The following MIGA1 variants were observed in gnomAD, a reference collection of about 807,000 sequenced individuals.
MIGA1 encodes the protein family with sequence similarity 73, member A.
Under a neutral mutation model 82.0 loss-of-function variants are expected in MIGA1, and 58 were observed. The observed-to-expected ratio is 0.71, with a 90% CI of 0.57 to 0.88. The LOEUF is 0.88. Among genes scored for constraint, MIGA1 ranks in the 40% least tolerant of loss-of-function variants. The probability of loss-of-function intolerance (pLI) is 0.00; values close to 1 mark genes in which losing one functional copy is unlikely to be tolerated. For synonymous variants in MIGA1, 249 were observed against 253.6 expected, an observed-to-expected ratio of 0.98 and a Z score of 0.17; for missense variants, 751 against 749.1, an observed-to-expected ratio of 1.00 and a Z score of -0.03.
chr1:77,833,870 C>G (rs1392811617), intron 7 of MIGA1, among the ~76,000 whole-genome samples: 1 of 152,194 alleles, frequency 6.6e-6, no homozygotes, highest in Admixed American at 6.5e-5. Flanking sequence ...TGCTGTTACT[C>G]TTCTAAAGTG....
At chr1:77,785,236 T>C (rs111527485) in intron 2 of MIGA1, among the ~76,000 whole-genome samples, 6,031 of 152,144 alleles carry the variant, frequency 0.04, 137 homozygotes, top group Middle Eastern at 0.078. Context: ...CTAGATAGAA[T>C]GGGGGTATGG....
chr1:77,811,413 A>G lies in MIGA1; in HGVS notation c.638-2321A>G. The G allele has an allele frequency of 5.0e-6, 8 of 1,587,534 alleles. No individual in the cohort carries two copies. In the Admixed American group the frequency reaches 1.2e-4, roughly 23 times the overall value. On this transcript the variant is annotated intron_variant, in intron 5 of 15. Transcript: ENST00000370791. ...CAAATTCCAAATTCTCTTCTTCACC[A>G]GGTGCCAAAATTCTTCTTAATGGGA... is the stretch of plus-strand genomic sequence containing the variant.
At chr1:77,870,932 G>C (rs1408332878) in intron 14 of MIGA1, among the ~76,000 whole-genome samples, 2 of 144,468 alleles carry the variant, frequency 1.4e-5, no homozygotes, top group Admixed American at 1.4e-4. Flanking sequence ...AAAAAAAAAC[G>C]AAAACCAGTC....
chr1:77,794,421 G>A (rs1682569258), intron 2 of MIGA1, among the ~76,000 whole-genome samples: 2 of 152,140 alleles, frequency 1.3e-5, no homozygotes, highest in South Asian at 4.1e-4. Flanking sequence ...ATGACCTGCT[G>A]CTTTTGAAAT....
At chr1:77,784,974 C>T (rs970889833) in intron 2 of MIGA1, among the ~76,000 whole-genome samples, 2 of 152,076 alleles carry the variant, frequency 1.3e-5, no homozygotes, top group Non-Finnish European at 1.5e-5. Flanking sequence ...CCATTGGGTC[C>T]CTCCCACAAC....
intron 8 of MIGA1, among the ~76,000 whole-genome samples, chr1:77,844,127 T>A (rs777321635): frequency 8.5e-6 from 1 of 117,164 alleles, no homozygotes; most frequent in African/African-American, 4.1e-5. Context: ...TATATATATA[T>A]ATATATATAT....
rs948319121 is a variant in MIGA1, at chr1:77,791,947, A to G, written c.195+8596A>G. On this transcript the variant is annotated intron_variant, in intron 2 of 15. Transcript: ENST00000370791. Reference sequence around the variant, plus strand: ...ACTACCATCAAAGTATGAGAAGTCTAGTTTTCCCATATTCTCACCAGCATT... The same window carrying G: ...ACTACCATCAAAGTATGAGAAGTCTGGTTTTCCCATATTCTCACCAGCATT... Among the ~76,000 whole-genome samples, 10 of 152,310 alleles carry G rather than the reference A, an allele frequency of 6.6e-5. No homozygotes were observed. In the East Asian group the frequency reaches 1.9e-3, roughly 29 times the overall value.
intron 7 of MIGA1, among the ~76,000 whole-genome samples, chr1:77,826,034 A>T (rs1276640999): frequency 3.3e-5 from 5 of 152,212 alleles, no homozygotes; most frequent in Admixed American, 6.5e-5. Context: ...CACATGGTAA[A>T]CACTTATCTA....
intron 15 of MIGA1, among the ~76,000 whole-genome samples, chr1:77,873,680 A>G (rs1240213968): frequency 6.6e-6 from 1 of 152,216 alleles, no homozygotes; most frequent in Admixed American, 6.5e-5. Context: ...GTGACAAGGA[A>G]AGTCTCGCTA....
chr1:77,848,624 A>G, intron 8 of MIGA1: 2 of 1,523,036 alleles, frequency 1.3e-6, no homozygotes, highest in Non-Finnish European at 1.8e-6. Flanking sequence ...CTGGGAGCAA[A>G]ACACAGACTC....
At chr1:77,844,113 A>AAATATATATATATAT (rs1296124524) in intron 8 of MIGA1, among the ~76,000 whole-genome samples, 61 of 90,042 alleles carry the variant, frequency 6.8e-4, no homozygotes, top group African/African-American at 2.6e-3. Context: ...AAAAAAAAAA[A>AAATATATATATATAT]ATATATATAT....
intron 7 of MIGA1, among the ~76,000 whole-genome samples, chr1:77,815,440 C>T (rs1222613843): frequency 6.6e-6 from 1 of 151,964 alleles, no homozygotes; most frequent in South Asian, 2.1e-4. Context: ...AATTCAAGTA[C>T]TTATCATAGG....
chr1:77,793,783 CTTTT>C (rs1175821307), intron 2 of MIGA1, among the ~76,000 whole-genome samples: 4 of 114,146 alleles, frequency 3.5e-5, no homozygotes, highest in Admixed American at 1.8e-4. Flanking sequence ...AAAATTTTAT[CTTTT>C]TTTTTTTTTT....
intron 2 of MIGA1, among the ~76,000 whole-genome samples, chr1:77,786,241 G>A (rs1370181822): frequency 6.6e-6 from 1 of 152,222 alleles, no homozygotes. Flanking sequence ...ACACAGCACG[G>A]GGACACTGGG....
chr1:77,866,691 T>C (rs1460569618), intron 14 of MIGA1, among the ~76,000 whole-genome samples: 1 of 151,004 alleles, frequency 6.6e-6, no homozygotes, highest in African/African-American at 2.4e-5. Context: ...ATTAATTTTT[T>C]TTTTTTTTTT....
At chr1:77,839,350 G>A (rs942109280) in intron 7 of MIGA1, among the ~76,000 whole-genome samples, 1 of 150,760 alleles carries the variant, frequency 6.6e-6, no homozygotes, top group African/African-American at 2.4e-5. Context: ...TTCTGAAAAT[G>A]TTGACTAAGA....
At chr1:77,785,057 A>C (rs940453253) in intron 2 of MIGA1, among the ~76,000 whole-genome samples, 1 of 152,142 alleles carries the variant, frequency 6.6e-6, no homozygotes, top group Admixed American at 6.5e-5. Flanking sequence ...GCCCCTCCCA[A>C]ATCTCATGTC....
At position 77,875,190 on chromosome 1, in the gene MIGA1, A is replaced by G. The variant is rs529067235; in HGVS notation, c.*126A>G. On this transcript the variant is annotated 3_prime_UTR_variant, in exon 16 of 16. Coordinates refer to ENST00000370791, the MANE Select transcript of MIGA1 (RefSeq NM_198549.4). ...GGATTCAGGGAGGAAAAAAAAATCTACTAAAAAATGAGCAACTGTACTGTA... is the reference window on the plus strand; with the variant it reads ...GGATTCAGGGAGGAAAAAAAAATCTGCTAAAAAATGAGCAACTGTACTGTA... 5.3e-6 allele frequency: 4 copies of G among 749,588 alleles called. No individual in the cohort carries two copies. The highest frequency in any genetic ancestry group is 1.8e-5 in the African/African-American group (1 of 56,526). 46.4% of individuals were successfully genotyped at this position (749,588 alleles called of 1,614,324 possible).
At position 77,860,101 on chromosome 1, in the gene MIGA1, C is replaced by T. The variant is rs1463571692; in HGVS notation, c.1250C>T (p.Ser417Leu). Residue 417 changes from serine (S) to leucine (L), a missense_variant, in exon 11 of 16, where the codon TCA (serine) becomes TTA (leucine). By Grantham distance (145) the Ser-to-Leu change is moderately radical. Coordinates refer to ENST00000370791, the MANE Select transcript of MIGA1 (RefSeq NM_198549.4). ...GCTGAGAGCGGAAGGAAAATTTTAT[C>T]AGCTTTAATTGTGAAAGCACGAAAG... 5 of 1,611,144 alleles carry T rather than the reference C, an allele frequency of 3.1e-6. No individual in the cohort carries two copies. Among genetic ancestry groups the T allele is most frequent in the Non-Finnish European group, 4.2e-6 (5 of 1,178,352 alleles).
Sources: gnomAD v4.1 joint callset for allele counts (sites outside exome capture counted in the v4.1 genomes callset) on GRCh38, gnomAD v4.1.1 for gene constraint, MANE v1.5 for transcripts, NCBI Gene and HGNC (gene_info 2026-07-23, HGNC 2026-07-21) for gene names.